Variants in DLGAP2 observed in about 807,000 individuals in gnomAD.
DLGAP2 encodes disks large-associated protein 2.
Under a neutral mutation model 100.3 loss-of-function variants are expected in DLGAP2, and 26 were observed. That is an observed-to-expected ratio of 0.26 (90% CI 0.19 to 0.36). The LOEUF is 0.36. Ranked by LOEUF, DLGAP2 falls within the 10% of genes least tolerant of loss-of-function variation. DLGAP2 has a pLI of 1.00. For synonymous variants in DLGAP2, 886 were observed against 630.1 expected (o/e 1.41, Z -6.08); for missense variants, 1,858 against 1,453.2 (o/e 1.28, Z -4.53).
chr8:1,089,292 G>C (rs1389137231), intron 2 of DLGAP2, among the ~76,000 whole-genome samples: 1 of 152,230 alleles, frequency 6.6e-6, no homozygotes, highest in African/African-American at 2.4e-5. Context: ...ATGGTCTATT[G>C]GTCTGTATAT....
rs531048986 is a variant in DLGAP2 at position 1,052,242 on chromosome 8, A to G, written c.73+144276A>G. ...TCATGCATGTAGACAGTTCATACATAGCCCAGGGGGTTTTACCTCATTCAG... is the reference window on the plus strand; with the variant it reads ...TCATGCATGTAGACAGTTCATACATGGCCCAGGGGGTTTTACCTCATTCAG... On this transcript the variant is annotated intron_variant, in intron 2 of 14. Coordinates refer to ENST00000637795, the MANE Select transcript of DLGAP2 (RefSeq NM_001346810.2). 8.5e-5 allele frequency among the ~76,000 whole-genome samples: 13 copies of G among 152,282 alleles called. No homozygotes were observed. The East Asian group carries it at 2.3e-3, about 27-fold the overall frequency.
At chr8:1,331,011 G>C (rs1319659963) in intron 3 of DLGAP2, among the ~76,000 whole-genome samples, 2 of 142,482 alleles carry the variant, frequency 1.4e-5, no homozygotes, top group African/African-American at 5.0e-5. Context: ...CATGGGGACT[G>C]AGTTCTGGGT....
chr8:787,836 T>G (rs1269241482), intron 1 of DLGAP2, among the ~76,000 whole-genome samples: 1 of 152,196 alleles, frequency 6.6e-6, no homozygotes, highest in African/African-American at 2.4e-5. Flanking sequence ...TTGGGCTCGC[T>G]CAGCACTTGG....
intron 3 of DLGAP2, among the ~76,000 whole-genome samples, chr8:1,411,376 G>C (rs938705072): frequency 1.3e-5 from 2 of 152,190 alleles, no homozygotes; most frequent in Admixed American, 1.3e-4. Context: ...ATACATATGG[G>C]TTTCCACATA....
chr8:741,996 G>T (rs1327916311), intron 1 of DLGAP2, among the ~76,000 whole-genome samples: 1 of 152,232 alleles, frequency 6.6e-6, no homozygotes, highest in Admixed American at 6.5e-5. Context: ...TATGCAGAGA[G>T]CTTGGTCCTG....
chr8:1,102,308 A>G (rs1320645609), intron 2 of DLGAP2, among the ~76,000 whole-genome samples: 1 of 147,438 alleles, frequency 6.8e-6, no homozygotes, highest in Non-Finnish European at 1.5e-5. Flanking sequence ...GTAATATATA[A>G]TTACATAATA....
At chr8:1,003,991 T>C (rs1379113423) in intron 2 of DLGAP2, among the ~76,000 whole-genome samples, 2 of 152,230 alleles carry the variant, frequency 1.3e-5, no homozygotes, top group African/African-American at 4.8e-5. Context: ...TTATTTCAAT[T>C]CTTTTTTACC....
At chr8:794,907 C>T (rs537801361) in intron 1 of DLGAP2, among the ~76,000 whole-genome samples, 55 of 152,050 alleles carry the variant, frequency 3.6e-4, no homozygotes, top group African/African-American at 1.2e-3. Context: ...TCCCTGGTGG[C>T]GTGAGTGAGG....
At chr8:1,006,767 A>G (rs1382583452) in intron 2 of DLGAP2, among the ~76,000 whole-genome samples, 3 of 88,876 alleles carry the variant, frequency 3.4e-5, no homozygotes, top group Admixed American at 1.4e-4. Context: ...TTATCATGTC[A>G]GGGACACCGT....
chr8:989,231 G>T (rs551051482), intron 2 of DLGAP2, among the ~76,000 whole-genome samples: 1 of 152,080 alleles, frequency 6.6e-6, no homozygotes, highest in East Asian at 1.9e-4. Flanking sequence ...GTGCTCCCCC[G>T]GAGTCCCTCT....
chr8:1,354,179 G>A (rs1801796620), intron 3 of DLGAP2, among the ~76,000 whole-genome samples: 1 of 152,158 alleles, frequency 6.6e-6, no homozygotes. Context: ...AAAACAACCT[G>A]CTCACCAGTG....
chr8:1,496,402 C>T (rs531823820), intron 3 of DLGAP2, among the ~76,000 whole-genome samples: 37 of 152,264 alleles, frequency 2.4e-4, no homozygotes, highest in African/African-American at 8.9e-4. Context: ...TGCTGATTTC[C>T]TCACTTTCTG....
intron 3 of DLGAP2, among the ~76,000 whole-genome samples, chr8:1,371,733 C>T (rs1802242517): frequency 6.6e-6 from 1 of 152,164 alleles, no homozygotes; most frequent in African/African-American, 2.4e-5. Context: ...GGGCTTTTAG[C>T]TCACATGTCA....
At chr8:1,211,092 G>T (rs181548692) in intron 2 of DLGAP2, among the ~76,000 whole-genome samples, 141 of 152,356 alleles carry the variant, frequency 9.3e-4, no homozygotes, top group African/African-American at 3.0e-3. Flanking sequence ...GATGAGCTGT[G>T]GTTTGAGGAC....
chr8:1,577,567 C>CAAAAAAAAA (rs10646663), intron 6 of DLGAP2, among the ~76,000 whole-genome samples: 34 of 105,816 alleles, frequency 3.2e-4, no homozygotes, highest in African/African-American at 8.3e-4. Context: ...CACTCTCTCT[C>CAAAAAAAAA]AAAAAAAAAA....
intron 2 of DLGAP2, among the ~76,000 whole-genome samples, chr8:960,936 T>C (rs1226008226): frequency 6.6e-6 from 1 of 152,236 alleles, no homozygotes; most frequent in Non-Finnish European, 1.5e-5. Context: ...GAACTGTCTG[T>C]ATGCCATTTA....
chr8:1,225,084 G>T (rs1266556714), intron 2 of DLGAP2, among the ~76,000 whole-genome samples: 1 of 152,202 alleles, frequency 6.6e-6, no homozygotes, highest in African/African-American at 2.4e-5. Flanking sequence ...CATCCTGCCT[G>T]TGTGCCCAAA....
At chr8:954,916 T>G (rs1417370823) in intron 2 of DLGAP2, among the ~76,000 whole-genome samples, 2 of 152,166 alleles carry the variant, frequency 1.3e-5, no homozygotes, top group Non-Finnish European at 2.9e-5. Context: ...TTAGAAAAAT[T>G]TTAATGGTCT....
intron 4 of DLGAP2, among the ~76,000 whole-genome samples, chr8:1,527,649 G>A (rs1411471813): frequency 2.6e-5 from 4 of 152,196 alleles, no homozygotes; most frequent in Non-Finnish European, 5.9e-5. Context: ...ACCTATCTAT[G>A]TGGGAACGGA....
Sources: gnomAD v4.1 joint callset for allele counts (sites outside exome capture counted in the v4.1 genomes callset) on GRCh38, gnomAD v4.1.1 for gene constraint, MANE v1.5 for transcripts, NCBI Gene and HGNC (gene_info 2026-07-23, HGNC 2026-07-21) for gene names.